The following MAP2K5 variants were observed in gnomAD, a reference collection of about 807,000 sequenced individuals.
The protein encoded by MAP2K5 is dual specificity mitogen-activated protein kinase kinase 5.
In MAP2K5, 49 loss-of-function variants were observed where a neutral mutation model predicts 83.1. The ratio of observed to expected loss-of-function variants is 0.59; its 90% CI spans 0.47 to 0.75. MAP2K5 has a LOEUF of 0.75. MAP2K5 is among the 30% of genes least tolerant of loss of function. MAP2K5 has a pLI of 0.00. For missense variants in MAP2K5, 457 were observed against 557.5 expected (o/e 0.82, Z 1.82); for synonymous variants, 202 against 191.8 (o/e 1.05, Z -0.44).
chr15:67,728,559 T>G (rs755081543), intron 17 of MAP2K5, among the ~76,000 whole-genome samples: 12 of 152,190 alleles, frequency 7.9e-5, no homozygotes, highest in Non-Finnish European at 1.3e-4. Flanking sequence ...TTTTGTGGTT[T>G]GAAAATGATT....
At chr15:67,630,486 TAC>T (rs144313598) in intron 8 of MAP2K5, among the ~76,000 whole-genome samples, 3,483 of 152,264 alleles carry the variant, frequency 0.023, 61 homozygotes, top group African/African-American at 0.042. Context: ...AATGGCTCTG[TAC>T]ACTGCTTAAC....
At position 67,677,685 on chromosome 15, in the gene MAP2K5, T is replaced by C. The variant is rs963140431; in HGVS notation, c.847+13040T>C. 6.6e-6 allele frequency among the ~76,000 whole-genome samples: 1 copy of C among 152,222 alleles called. No homozygotes were observed. On this transcript the variant is annotated intron_variant, in intron 13 of 21. Transcript: ENST00000178640. The surrounding 1 kb of genome is among the most constrained non-coding windows in gnomAD (Gnocchi z 4.2). ...GGAACACATTCCTCCAGACCTGGCT[T>C]TTCCTAAACACTGACCAGAATATGT...
At position 67,777,952 on chromosome 15, in the gene MAP2K5, TACA is replaced by T. The variant is rs2090267069; in HGVS notation, c.1242+5205_1242+5207del. ...AGCAAGTAAATAGTGGCATTAGAAA[TACA>T]ACAAGTTGGCATGGGTCCTAGAAGG... On this transcript the variant is annotated intron_variant, in intron 21 of 21. Transcript: ENST00000178640. This position sits in a 1 kb window ranked among gnomAD's most constrained non-coding sequence, Gnocchi z 6.0. Among the ~76,000 whole-genome samples, 1 of 152,218 alleles carries T rather than the reference TACA, an allele frequency of 6.6e-6. No homozygotes were observed. Among genetic ancestry groups the T allele is most frequent in the Admixed American group, 6.5e-5 (1 of 15,282 alleles).
At chr15:67,799,892 G>A (rs1315281780) in intron 21 of MAP2K5, among the ~76,000 whole-genome samples, 1 of 152,156 alleles carries the variant, frequency 6.6e-6, no homozygotes, top group Admixed American at 6.5e-5. Flanking sequence ...CCAGGGGAGG[G>A]CTGACCGACT....
chr15:67,781,915 TC>T lies in MAP2K5; in HGVS notation c.1242+9165del, dbSNP rs1431369219. On this transcript the variant is annotated intron_variant, in intron 21 of 21. Coordinates refer to ENST00000178640, the MANE Select transcript of MAP2K5 (RefSeq NM_145160.3). The surrounding 1 kb of genome is among the most constrained non-coding windows in gnomAD (Gnocchi z 4.0). Reference sequence around the variant, plus strand: ...ATTTGTATAAATAGGGTACATTTTTTCCACTTAAGAGGGCTGTGCTGAAACA... The same window carrying T: ...ATTTGTATAAATAGGGTACATTTTTTCACTTAAGAGGGCTGTGCTGAAACA... 2.0e-5 allele frequency among the ~76,000 whole-genome samples: 3 copies of T among 152,232 alleles called. No homozygotes were observed. The highest frequency in any genetic ancestry group is 7.2e-5 in the African/African-American group (3 of 41,460).
intron 9 of MAP2K5, among the ~76,000 whole-genome samples, chr15:67,639,687 A>G (rs1457146064): frequency 2.6e-5 from 4 of 152,206 alleles, no homozygotes; most frequent in African/African-American, 9.6e-5. Context: ...ATGGAATTCA[A>G]GATCCTCCAC....
chr15:67,718,224 G>A (rs1413894920), intron 16 of MAP2K5: 4 of 152,090 alleles, frequency 2.6e-5, no homozygotes, highest in African/African-American at 9.7e-5. Context: ...CAGCCCTGAT[G>A]TTTTCTCAAA....
At chr15:67,649,729 G>T (rs896751722) in intron 11 of MAP2K5, among the ~76,000 whole-genome samples, 1 of 152,000 alleles carries the variant, frequency 6.6e-6, no homozygotes, top group Non-Finnish European at 1.5e-5. Flanking sequence ...TTGATTACTT[G>T]TACTTGAAAA....
At chr15:67,726,865 C>T (rs966385816) in intron 16 of MAP2K5, among the ~76,000 whole-genome samples, 4 of 152,160 alleles carry the variant, frequency 2.6e-5, no homozygotes, top group African/African-American at 9.7e-5. Context: ...CAAAGTTTTG[C>T]CACTATTTTC....
chr15:67,590,885 A>G (rs2085394842), intron 6 of MAP2K5, among the ~76,000 whole-genome samples: 4 of 152,314 alleles, frequency 2.6e-5, no homozygotes, highest in African/African-American at 9.6e-5. Flanking sequence ...TCATTGGGCT[A>G]TATTTAAGGG....
rs2089702998 is a variant in MAP2K5 at position 67,750,864 on chromosome 15, C to A, written c.1134+2263C>A. Reference sequence around the variant, plus strand: ...ATTTACCCCGTTGTGAAGTGGGTATCTGTTGCTAGTATATACTATTTCCTG... The same window carrying A: ...ATTTACCCCGTTGTGAAGTGGGTATATGTTGCTAGTATATACTATTTCCTG... On this transcript the variant is annotated intron_variant, in intron 19 of 21. Transcript: ENST00000178640. The surrounding 1 kb of genome is among the most constrained non-coding windows in gnomAD (Gnocchi z 4.2). Among the ~76,000 whole-genome samples, 1 of 152,054 alleles carries A rather than the reference C, an allele frequency of 6.6e-6. No individual in the cohort carries two copies. Among genetic ancestry groups the A allele is most frequent in the African/African-American group, 2.4e-5 (1 of 41,370 alleles).
rs2089645840 is a variant in MAP2K5, at chr15:67,748,204, TG to T, written c.1075-26del. On this transcript the variant is annotated intron_variant, in intron 17 of 21. Transcript: ENST00000178640. The surrounding 1 kb of genome is among the most constrained non-coding windows in gnomAD (Gnocchi z 4.0). ...CAAGTGAGTCATTTTGATTATGACA[TG>T]CTAATTACATATTGCCTTTTTTCAG... 1 of 1,568,332 alleles carries T rather than the reference TG, an allele frequency of 6.4e-7. No individual in the cohort carries two copies. Among genetic ancestry groups the T allele is most frequent in the South Asian group, 1.1e-5 (1 of 89,282 alleles).
At chr15:67,556,421 A>G (rs1172591867) in intron 2 of MAP2K5, among the ~76,000 whole-genome samples, 1 of 152,046 alleles carries the variant, frequency 6.6e-6, no homozygotes, top group Non-Finnish European at 1.5e-5. Context: ...TTTTCCTTCT[A>G]CTTTAATGAG....
Position 67,600,558 on chromosome 15 carries a change from T to C in MAP2K5, c.481-127T>C, listed in dbSNP as rs941431549. The stretch of plus-strand genomic sequence containing the variant: ...TTGGACAGCAAACGTTGTATTGATC[T>C]TCTCGTTTTTGCAGCTGAACTTGAA... On this transcript the variant is annotated intron_variant, in intron 7 of 21. Coordinates refer to ENST00000178640, the MANE Select transcript of MAP2K5 (RefSeq NM_145160.3). 39 of 679,846 alleles carry C rather than the reference T, an allele frequency of 5.7e-5. No homozygotes were observed. In the Middle Eastern group the frequency reaches 9.5e-4, roughly 17 times the overall value. 42.1% of individuals were successfully genotyped at this position (679,846 alleles called of 1,614,324 possible).
At position 67,606,957 on chromosome 15, in the gene MAP2K5, G is replaced by A. The variant is rs145366027; in HGVS notation, c.545+6208G>A. ...TTCCTCTTTCACCAACCAACCTGAA[G>A]GTGTGAAACTTAAAGAGGGAGCAAG... On this transcript the variant is annotated intron_variant, in intron 8 of 21. Coordinates refer to ENST00000178640, the MANE Select transcript of MAP2K5 (RefSeq NM_145160.3). 7.9e-5 allele frequency among the ~76,000 whole-genome samples: 12 copies of A among 152,274 alleles called. No individual in the cohort carries two copies. The East Asian group carries it at 2.1e-3, about 27-fold the overall frequency.
In MAP2K5 at chr15:67,719,962, T is replaced by C. The variant is rs2088915131; in HGVS notation, c.1045-7954T>C. ...ATTGTTTTTAACTGACTTTTAGAGA[T>C]TTAGTTATATACCCAGATATTTTCA... On this transcript the variant is annotated intron_variant, in intron 16 of 21. Transcript: ENST00000178640. This position sits in a 1 kb window ranked among gnomAD's most constrained non-coding sequence, Gnocchi z 4.6. 1.3e-5 allele frequency among the ~76,000 whole-genome samples: 2 copies of C among 152,162 alleles called. No individual in the cohort carries two copies. Among genetic ancestry groups the C allele is most frequent in the Non-Finnish European group, 2.9e-5 (2 of 68,028 alleles).
rs1290473775 is a variant in MAP2K5, at chr15:67,543,283, C to G, written c.-53C>G. 1.2e-6 allele frequency: 2 copies of G among 1,607,510 alleles called. No individual in the cohort carries two copies. Among genetic ancestry groups the G allele is most frequent in the Non-Finnish European group, 1.7e-6 (2 of 1,174,950 alleles). On this transcript the variant is annotated 5_prime_UTR_variant, in exon 1 of 22. Transcript: ENST00000178640. This position sits in a 1 kb window ranked among gnomAD's most constrained non-coding sequence, Gnocchi z 4.3. ...GTCACCTCTTGGAGCCCCCTCCTAA[C>G]CAGCGGCCAGTGGGTTTCCCATACC...
intron 3 of MAP2K5, among the ~76,000 whole-genome samples, chr15:67,567,361 T>G (rs1004780704): frequency 6.7e-6 from 1 of 149,832 alleles, no homozygotes; most frequent in Admixed American, 6.6e-5. Context: ...TAAAGTTTTT[T>G]TTTTTTTTTT....
At chr15:67,592,780 T>C in intron 6 of MAP2K5, 146 bp from the exon 7 acceptor site, 3 of 640,128 alleles carry the variant, frequency 4.7e-6, no homozygotes, top group East Asian at 3.0e-5. Context: ...CCAGTTACTT[T>C]TGAAAAAAAT....
Sources: allele counts gnomAD v4.1 joint callset (sites outside exome capture counted in the v4.1 genomes callset), GRCh38; gene constraint gnomAD v4.1.1; non-coding constraint Gnocchi (gnomAD v3.1); transcripts MANE v1.5; gene names NCBI Gene and HGNC (gene_info 2026-07-23, HGNC 2026-07-21).